The following ARSK variants were observed in gnomAD, a reference collection of about 807,000 sequenced individuals.
The protein encoded by ARSK is arylsulfatase K.
Under a neutral mutation model 53.2 loss-of-function variants are expected in ARSK, and 37 were observed. The ratio of observed to expected loss-of-function variants is 0.70; its 90% CI spans 0.54 to 0.92. The LOEUF (loss-of-function observed/expected upper bound fraction) is 0.92, where lower values mean the gene tolerates loss of function less well. ARSK is among the 40% of genes least tolerant of loss of function. The pLI is 0.00. For synonymous variants in ARSK, 208 were observed against 223.2 expected (o/e 0.93, Z 0.61); for missense variants, 613 against 643.0 (o/e 0.95, Z 0.51).
At chr5:95,587,879 C>A (rs1463670029) in intron 5 of ARSK, among the ~76,000 whole-genome samples, 1 of 148,478 alleles carries the variant, frequency 6.7e-6, no homozygotes, top group Non-Finnish European at 1.5e-5. Flanking sequence ...GCACTCCAGC[C>A]TGGGTGACAG....
Position 95,555,514 on chromosome 5 carries a change from C to T in ARSK, c.126+110C>T. On this transcript the variant is annotated intron_variant, in intron 1 of 7. Coordinates refer to ENST00000380009, the MANE Select transcript of ARSK (RefSeq NM_198150.3). This position sits in a 1 kb window ranked among gnomAD's most constrained non-coding sequence, Gnocchi z 4.0. ...CAGAACCTGAGACATTTTCAAACAC[C>T]TTTTACCCCGATGCAAAGAAAGAAA... The T allele has an allele frequency of 2.5e-6, 3 of 1,189,764 alleles. No individual in the cohort carries two copies. Among genetic ancestry groups the T allele is most frequent in the East Asian group, 2.9e-5 (1 of 34,606 alleles). 73.7% of individuals were successfully genotyped at this position (1,189,764 alleles called of 1,614,324 possible).
chr5:95,591,663 A>G (rs1749219433), intron 6 of ARSK, 38 bp downstream of exon 6: 1 of 1,590,904 alleles, frequency 6.3e-7, no homozygotes, highest in African/African-American at 1.3e-5. Flanking sequence ...ATTTGTAATA[A>G]TGCTGGAGAA....
Position 95,586,715 on chromosome 5 carries a change from G to A in ARSK, c.853G>A (p.Glu285Lys). 6.3e-7 allele frequency: 1 copy of A among 1,599,356 alleles called. No individual in the cohort carries two copies. ...AGCATTTTATTATGCTATGTGTGCTGAGACAGATGCCATGCTTGGTAGGTG... is the reference window on the plus strand; with the variant it reads ...AGCATTTTATTATGCTATGTGTGCTAAGACAGATGCCATGCTTGGTAGGTG... ...IRAFYYAMCA[E>K]TDAMLGEIIL... The change falls in exon 5 of 8, where the codon GAG becomes AAG. Residue 285 changes from glutamate to lysine, a missense_variant. Transcript: ENST00000380009.
intron 5 of ARSK, among the ~76,000 whole-genome samples, chr5:95,588,209 A>C (rs1366359296): frequency 6.6e-6 from 1 of 151,896 alleles, no homozygotes; most frequent in African/African-American, 2.4e-5. Context: ...ACATCAAGTT[A>C]CAAAATTTAT....
In ARSK at chr5:95,555,187, G is replaced by A. The variant is rs747820910; in HGVS notation, c.-92G>A. 5.6e-6 allele frequency: 7 copies of A among 1,260,342 alleles called. No homozygotes were observed. The highest frequency in any genetic ancestry group is 7.6e-6 in the Non-Finnish European group (7 of 921,402). 78.1% of individuals were successfully genotyped at this position (1,260,342 alleles called of 1,614,324 possible). A position where few individuals can be genotyped will look rare whatever the true frequency, so the allele number is the denominator to read the frequency against. ...AGCAACCAAACTGCAAGCTTTGGGAGTTGTTCGCTGTCCCTGCCCTGCTCT... is the reference window on the plus strand; with the variant it reads ...AGCAACCAAACTGCAAGCTTTGGGAATTGTTCGCTGTCCCTGCCCTGCTCT... On this transcript the variant is annotated 5_prime_UTR_variant, in exon 1 of 8. Transcript: ENST00000380009. This position sits in a 1 kb window ranked among gnomAD's most constrained non-coding sequence, Gnocchi z 4.0.
In ARSK at chr5:95,604,132, GTAA is replaced by G. The variant is rs1339416690; in HGVS notation, c.*612_*614del. 8 of 152,092 alleles carry G rather than the reference GTAA, an allele frequency of 5.3e-5. No individual in the cohort carries two copies. The highest frequency in any genetic ancestry group is 1.7e-4 in the African/African-American group (7 of 41,416). 9.4% of individuals were successfully genotyped at this position (152,092 alleles called of 1,614,324 possible). On this transcript the variant is annotated 3_prime_UTR_variant, in exon 8 of 8. Coordinates refer to ENST00000380009, the MANE Select transcript of ARSK (RefSeq NM_198150.3). ...TAAATAATAGAGAATATAAAATATT[GTAA>G]TAATATGTATCATAAAATAGTTGTA...
At chr5:95,586,893 G>A (rs746813539) in intron 5 of ARSK, among the ~76,000 whole-genome samples, 160 bp downstream of exon 5, 2 of 152,114 alleles carry the variant, frequency 1.3e-5, no homozygotes, top group Non-Finnish European at 2.9e-5. Context: ...TTGATAGAAT[G>A]AAAAGCTCTT....
chr5:95,576,262 G>T (rs139457065), intron 3 of ARSK, among the ~76,000 whole-genome samples: 1 of 144,784 alleles, frequency 6.9e-6, no homozygotes, highest in African/African-American at 2.6e-5. Flanking sequence ...GCAGTGGCAC[G>T]ATCTCAGCTC....
At chr5:95,567,452 C>T (rs1346671016) in intron 2 of ARSK, among the ~76,000 whole-genome samples, 3 of 152,302 alleles carry the variant, frequency 2.0e-5, no homozygotes, top group Non-Finnish European at 4.4e-5. Flanking sequence ...GCATAACACA[C>T]TACGTTTTTT....
At chr5:95,561,882 T>C (rs1451105169) in intron 1 of ARSK, among the ~76,000 whole-genome samples, 1 of 152,214 alleles carries the variant, frequency 6.6e-6, no homozygotes, top group African/African-American at 2.4e-5. Flanking sequence ...ATGAGTTGTT[T>C]AGTGTGTTAA....
chr5:95,603,222 T>A lies in ARSK; in HGVS notation c.1322-15T>A, dbSNP rs200985625. The A allele has an allele frequency of 6.6e-7, 1 of 1,521,176 alleles. No individual in the cohort carries two copies. The highest frequency in any genetic ancestry group is 8.8e-7 in the Non-Finnish European group (1 of 1,136,750). 94.2% of individuals were successfully genotyped at this position (1,521,176 alleles called of 1,614,324 possible). On this transcript the variant is annotated splice_polypyrimidine_tract_variant and intron_variant, in intron 7 of 7. Transcript: ENST00000380009. ...AGGTCACTATTTTGACAGATACTTA[T>A]TTTTTTTCTTTCAGATCTTTCCTCG...
chr5:95,594,080 T>A (rs1749261672), intron 6 of ARSK, among the ~76,000 whole-genome samples: 2 of 152,230 alleles, frequency 1.3e-5, no homozygotes, highest in Admixed American at 1.3e-4. Flanking sequence ...CATTGAATAT[T>A]ATTTTTATTA....
intron 1 of ARSK, among the ~76,000 whole-genome samples, chr5:95,562,456 G>A (rs1480461607): frequency 6.6e-6 from 1 of 152,168 alleles, no homozygotes; most frequent in African/African-American, 2.4e-5. Flanking sequence ...GATCTGGGAA[G>A]AACACTATAA....
At position 95,577,113 on chromosome 5, in the gene ARSK, A is replaced by G. The variant is rs574984490; in HGVS notation, c.417-5803A>G. Among the ~76,000 whole-genome samples, 4 of 152,336 alleles carry G rather than the reference A, an allele frequency of 2.6e-5. No individual in the cohort carries two copies. In the East Asian group the frequency reaches 5.8e-4, roughly 22 times the overall value. On this transcript the variant is annotated intron_variant, in intron 3 of 7. Transcript: ENST00000380009. The stretch of plus-strand genomic sequence containing the variant: ...ATATGGTGATGTGTCTGCTGCAATG[A>G]CTGCTTAGTAAATTCTATTAACAAC...
intron 3 of ARSK, 41 bp downstream of exon 3, chr5:95,568,090 G>A: frequency 1.3e-6 from 2 of 1,591,686 alleles, no homozygotes; most frequent in Non-Finnish European, 1.7e-6. Context: ...ACTGCCCTCT[G>A]CCATAGCGTG....
At chr5:95,559,409 C>T (rs977984874) in intron 1 of ARSK, among the ~76,000 whole-genome samples, 6 of 152,090 alleles carry the variant, frequency 3.9e-5, no homozygotes, top group Admixed American at 6.5e-5. Flanking sequence ...GACTTGAGCC[C>T]GCAAAGATTT....
intron 3 of ARSK, among the ~76,000 whole-genome samples, chr5:95,573,821 A>G (rs75313146): frequency 0.013 from 1,907 of 152,324 alleles, 39 homozygotes; most frequent in African/African-American, 0.044. Context: ...GAAAACATCA[A>G]GGTAAGTGGA....
intron 4 of ARSK, among the ~76,000 whole-genome samples, chr5:95,584,324 G>A (rs1415610340): frequency 2.0e-5 from 3 of 152,194 alleles, no homozygotes; most frequent in Admixed American, 6.5e-5. Flanking sequence ...TTATACTAAA[G>A]AGCTAGCAGC....
chr5:95,586,665 C>CA lies in ARSK; in HGVS notation c.810dup (p.Glu271ArgfsTer3). On this transcript the variant is annotated frameshift_variant, in exon 5 of 8. Transcript: ENST00000380009. LOFTEE classifies it high-confidence loss of function. ...ACAAAAAACTGCACTGGAAGATTTA[C>CA]AAAAAAAGAAATTAAGAATATTAGA... 2 of 1,610,464 alleles carry CA rather than the reference C, an allele frequency of 1.2e-6. No individual in the cohort carries two copies. Among genetic ancestry groups the CA allele is most frequent in the Non-Finnish European group, 1.7e-6 (2 of 1,178,108 alleles).
Sources: gnomAD v4.1 joint callset for allele counts (sites outside exome capture counted in the v4.1 genomes callset) on GRCh38, gnomAD v4.1.1 for gene constraint, Gnocchi (gnomAD v3.1) non-coding constraint, MANE v1.5 for transcripts, NCBI Gene and HGNC (gene_info 2026-07-23, HGNC 2026-07-21) for gene names.